PPP2R2B: variants seen among roughly 807,000 people sequenced by gnomAD.
PPP2R2B encodes the protein serine/threonine-protein phosphatase 2A 55 kDa regulatory subunit B beta isoform.
PPP2R2B carries 5 observed loss-of-function variants against 46.0 expected under a neutral mutation model. The ratio of observed to expected loss-of-function variants is 0.11; its 90% CI spans 0.06 to 0.23. The LOEUF (loss-of-function observed/expected upper bound fraction) is 0.23, where lower values mean the gene tolerates loss of function less well. PPP2R2B is among the 10% of genes least tolerant of loss of function. The pLI, the probability that PPP2R2B is intolerant of heterozygous loss-of-function variation, is 1.00. For synonymous variants in PPP2R2B, 215 were observed against 206.7 expected, an observed-to-expected ratio of 1.04 and a Z score of -0.34; for missense variants, 367 against 575.0, an observed-to-expected ratio of 0.64 and a Z score of 3.70.
intron 2 of PPP2R2B, among the ~76,000 whole-genome samples, chr5:146,841,481 C>T (rs1413941737): frequency 6.6e-6 from 1 of 152,134 alleles, no homozygotes; most frequent in Non-Finnish European, 1.5e-5. Flanking sequence ...TTCCTACCTC[C>T]CAAACTTCCC....
At chr5:146,980,654 T>A (rs559054590) in intron 1 of PPP2R2B, among the ~76,000 whole-genome samples, 4 of 152,006 alleles carry the variant, frequency 2.6e-5, no homozygotes, top group Non-Finnish European at 5.9e-5. Flanking sequence ...TTAATCTCTC[T>A]TGTTTTTTTA....
intron 7 of PPP2R2B, among the ~76,000 whole-genome samples, chr5:146,617,593 T>A (rs1773291000): frequency 6.6e-6 from 1 of 152,040 alleles, no homozygotes; most frequent in African/African-American, 2.4e-5. Flanking sequence ...GTGCTAGAGT[T>A]ACAAGAGTGA....
At chr5:146,714,004 T>C (rs1425138720) in intron 2 of PPP2R2B, among the ~76,000 whole-genome samples, 1 of 151,992 alleles carries the variant, frequency 6.6e-6, no homozygotes, top group Non-Finnish European at 1.5e-5. Flanking sequence ...AGATGAGGTC[T>C]TGGGGAGTGA....
At chr5:146,616,790 C>T (rs1184361967) in intron 7 of PPP2R2B, 2 of 152,164 alleles carry the variant, frequency 1.3e-5, no homozygotes, top group African/African-American at 4.8e-5. Context: ...ATTCGAAAAA[C>T]CACTATGAAT....
In PPP2R2B at chr5:146,927,752, TA is replaced by T. The variant is rs1304374952; in HGVS notation, c.79+127912del. On this transcript the variant is annotated intron_variant, in intron 1 of 8. Coordinates refer to the PPP2R2B transcript ENST00000336640. ...ATACTTTCTTCTTTTTTTTTTTTTT[TA>T]GATGGAGTCTCACTCTGTCACCCAG... 2.6e-5 allele frequency among the ~76,000 whole-genome samples: 4 copies of T among 151,460 alleles called. No individual in the cohort carries two copies. The East Asian group carries it at 7.7e-4, about 29-fold the overall frequency.
chr5:146,673,657 C>T (rs1169384083), intron 5 of PPP2R2B, among the ~76,000 whole-genome samples: 1 of 152,142 alleles, frequency 6.6e-6, no homozygotes, highest in African/African-American at 2.4e-5. Flanking sequence ...ACTTTAACAG[C>T]TTTCCAGACA....
At chr5:146,737,536 G>A (rs1157575328) in intron 2 of PPP2R2B, among the ~76,000 whole-genome samples, 2 of 152,208 alleles carry the variant, frequency 1.3e-5, no homozygotes, top group African/African-American at 4.8e-5. Context: ...ACCTGCAGAA[G>A]AGCTGGGATT....
intron 1 of PPP2R2B, among the ~76,000 whole-genome samples, chr5:146,972,739 G>C (rs906009129): frequency 1.3e-5 from 2 of 151,674 alleles, no homozygotes; most frequent in African/African-American, 2.4e-5. Context: ...AACAAAATAG[G>C]GAAATCTTAG....
rs1753985489 is a variant in PPP2R2B at position 146,997,700 on chromosome 5, A to T, written c.79+57965T>A. The stretch of plus-strand genomic sequence containing the variant: ...ATTTTAAGCTAACAGTAGACTCAGT[A>T]ATATAATGTGGTAAAATTTTTAGAA... On this transcript the variant is annotated intron_variant, in intron 1 of 8. Transcript: ENST00000336640. Among the ~76,000 whole-genome samples the T allele has an allele frequency of 2.6e-5, 4 of 152,354 alleles. No homozygotes were observed. In the South Asian group the frequency reaches 8.3e-4, roughly 32 times the overall value.
At position 146,759,756 on chromosome 5, in the gene PPP2R2B, CT is replaced by C. The variant is rs569890756; in HGVS notation, c.71-58615del. On this transcript the variant is annotated intron_variant, in intron 2 of 9. Transcript: ENST00000394411. ...TCTGACTGGCAAATCCATTTCTTCCCTTTTTTTTTTTTTCATTTGTGACGGA... is the reference window on the plus strand; with the variant it reads ...TCTGACTGGCAAATCCATTTCTTCCCTTTTTTTTTTTTCATTTGTGACGGA... Among the ~76,000 whole-genome samples, 954 of 142,878 alleles carry C rather than the reference CT, an allele frequency of 6.7e-3. 9 individuals are homozygous for C. Among genetic ancestry groups the C allele is most frequent in the African/African-American group, 0.019 (730 of 39,390 alleles). The allele number at this position is 142,878 out of a possible 152,430, so 93.7% of individuals were successfully genotyped here.
At chr5:147,028,824 C>A (rs1755645168) in intron 1 of PPP2R2B, among the ~76,000 whole-genome samples, 1 of 152,130 alleles carries the variant, frequency 6.6e-6, no homozygotes, top group African/African-American at 2.4e-5. Flanking sequence ...ATCACAATAT[C>A]CTTAACAACC....
At chr5:146,915,407 C>T (rs1406272712) in intron 1 of PPP2R2B, among the ~76,000 whole-genome samples, 1 of 151,668 alleles carries the variant, frequency 6.6e-6, no homozygotes, top group African/African-American at 2.4e-5. Flanking sequence ...ATCATCTTCC[C>T]CTCCTACTCA....
chr5:146,798,159 C>T (rs991374967), intron 2 of PPP2R2B, among the ~76,000 whole-genome samples: 3 of 152,030 alleles, frequency 2.0e-5, no homozygotes, highest in Admixed American at 2.0e-4. Context: ...CCCTCTAATT[C>T]TTTTTCATTC....
At chr5:146,977,438 C>T (rs1057074229) in intron 1 of PPP2R2B, among the ~76,000 whole-genome samples, 11 of 151,938 alleles carry the variant, frequency 7.2e-5, no homozygotes, top group East Asian at 1.9e-4. Context: ...AGGTTTATTA[C>T]GTAGGTATAC....
intron 2 of PPP2R2B, among the ~76,000 whole-genome samples, chr5:146,751,947 G>C (rs1335148300): frequency 6.6e-6 from 1 of 152,152 alleles, no homozygotes; most frequent in Non-Finnish European, 1.5e-5. Context: ...TGCTAGGGCA[G>C]AAGAGTGGCA....
At chr5:146,824,178 G>A (rs190000878) in intron 2 of PPP2R2B, among the ~76,000 whole-genome samples, 1 of 152,312 alleles carries the variant, frequency 6.6e-6, no homozygotes, top group East Asian at 1.9e-4. Flanking sequence ...ATTTACTGAA[G>A]AGCAGAAAGC....
intron 2 of PPP2R2B, among the ~76,000 whole-genome samples, chr5:146,841,699 C>T (rs557401717): frequency 1.6e-4 from 24 of 152,216 alleles, no homozygotes; most frequent in African/African-American, 5.1e-4. Flanking sequence ...AACCAAACAC[C>T]GCATGTTCTC....
At chr5:146,725,577 G>A (rs542485886) in intron 2 of PPP2R2B, among the ~76,000 whole-genome samples, 1 of 152,256 alleles carries the variant, frequency 6.6e-6, no homozygotes, top group South Asian at 2.1e-4. Flanking sequence ...AAGACATATC[G>A]ATTTTTAGTG....
intron 5 of PPP2R2B, among the ~76,000 whole-genome samples, chr5:146,659,978 G>T (rs1776576033): frequency 6.6e-6 from 1 of 152,218 alleles, no homozygotes; most frequent in African/African-American, 2.4e-5. Context: ...TGTTAAGGTT[G>T]CTTAGGAAAA....
Sources: gnomAD v4.1 joint callset for allele counts (sites outside exome capture counted in the v4.1 genomes callset) on GRCh38, gnomAD v4.1.1 for gene constraint, MANE v1.5 for transcripts, NCBI Gene and HGNC (gene_info 2026-07-23, HGNC 2026-07-21) for gene names.